Variants in PRKN observed in about 807,000 individuals in gnomAD.
PRKN encodes parkin RBR E3 ubiquitin protein ligase.
In PRKN, 56 loss-of-function variants were observed where a neutral mutation model predicts 59.5. That is an observed-to-expected ratio of 0.94 (90% CI 0.76 to 1.18). The LOEUF (loss-of-function observed/expected upper bound fraction) is 1.18, where lower values mean the gene tolerates loss of function less well. PRKN is among the 50% of genes most tolerant of loss of function. The pLI, the probability that PRKN is intolerant of heterozygous loss-of-function variation, is 0.00. For missense variants in PRKN, 657 were observed against 596.4 expected, an observed-to-expected ratio of 1.10 and a Z score of -1.06; for synonymous variants, 250 against 222.1, an observed-to-expected ratio of 1.13 and a Z score of -1.12.
intron 6 of PRKN, among the ~76,000 whole-genome samples, chr6:161,919,998 A>G (rs1176865299): frequency 6.6e-6 from 1 of 152,196 alleles, no homozygotes; most frequent in African/African-American, 2.4e-5. Flanking sequence ...CCTAGATGGT[A>G]TCACCTGCTA....
intron 6 of PRKN, among the ~76,000 whole-genome samples, chr6:161,910,838 T>C (rs879482154): frequency 2.0e-5 from 3 of 152,204 alleles, no homozygotes; most frequent in Non-Finnish European, 2.9e-5. Context: ...GGCAAAACCC[T>C]CTACCAGCAA....
chr6:161,658,903 A>T (rs2128164737), intron 7 of PRKN, among the ~76,000 whole-genome samples: 1 of 152,204 alleles, frequency 6.6e-6, no homozygotes, highest in East Asian at 1.9e-4. Flanking sequence ...TGTTTTATTC[A>T]TTAATTCTGT....
chr6:161,753,212 T>C (rs534587029), intron 7 of PRKN, among the ~76,000 whole-genome samples: 4 of 152,142 alleles, frequency 2.6e-5, no homozygotes, highest in East Asian at 1.9e-4. Flanking sequence ...AGTTGCATGA[T>C]AGTTGTCTGG....
rs571188457 is a variant in PRKN, at chr6:161,804,451, T to C, written c.735-18543A>G. On this transcript the variant is annotated intron_variant, in intron 6 of 11. Transcript: ENST00000366898. ...GCTGGTGGCCTTCAGCTCTGGATCC[T>C]GCAAGGACATCTGAAATCTGCCTCT... 9.8e-5 allele frequency among the ~76,000 whole-genome samples: 15 copies of C among 152,294 alleles called. No individual in the cohort carries two copies. In the South Asian group the frequency reaches 2.5e-3, roughly 25 times the overall value.
intron 2 of PRKN, among the ~76,000 whole-genome samples, chr6:162,340,646 C>A (rs907957738): frequency 6.6e-6 from 1 of 152,106 alleles, no homozygotes; most frequent in African/African-American, 2.4e-5. Flanking sequence ...ACATCTGATC[C>A]TTGACAAACC....
chr6:162,250,163 G>A (rs967296538), intron 3 of PRKN, among the ~76,000 whole-genome samples: 3 of 140,442 alleles, frequency 2.1e-5, no homozygotes, highest in Non-Finnish European at 3.0e-5. Flanking sequence ...ACAAACAAAT[G>A]AAAACCGTTT....
Position 162,569,184 on chromosome 6 carries a change from C to G in PRKN, c.8-125711G>C, listed in dbSNP as rs1780209706. 8.6e-6 allele frequency: 5 copies of G among 579,238 alleles called. 1 individual carries two copies. The Middle Eastern group carries it at 2.0e-3, about 235-fold the overall frequency. The allele number at this position is 579,238 out of a possible 1,614,324, so 35.9% of individuals were successfully genotyped here. A position where few individuals can be genotyped will look rare whatever the true frequency, so the allele number is the denominator to read the frequency against. On this transcript the variant is annotated intron_variant, in intron 1 of 11. Transcript: ENST00000366898. ...GATCAAGTATAAGGAGCTGCAGATG[C>G]AAAGACTGAGATCTCCAAGATGAAC...
rs1779507380 is a variant in PRKN, at chr6:161,538,579, A to G, written c.1083+10275T>C. ...AGTTTCCACTTCTTGGTGCAAAAAG[A>G]GGCCAAAGTGAGTCTTTGAGGACTT... is the stretch of plus-strand genomic sequence containing the variant. On this transcript the variant is annotated intron_variant, in intron 9 of 11. Coordinates refer to ENST00000366898, the MANE Select transcript of PRKN (RefSeq NM_004562.3). The surrounding 1 kb of genome is among the most constrained non-coding windows in gnomAD (Gnocchi z 4.2). Among the ~76,000 whole-genome samples the G allele has an allele frequency of 6.6e-6, 1 of 152,154 alleles. No homozygotes were observed. Among genetic ancestry groups the G allele is most frequent in the Admixed American group, 6.5e-5 (1 of 15,274 alleles).
intron 6 of PRKN, among the ~76,000 whole-genome samples, chr6:161,899,760 T>C (rs1202709855): frequency 1.3e-5 from 2 of 152,186 alleles, no homozygotes; most frequent in Admixed American, 1.3e-4. Context: ...CTTCAAGGCG[T>C]ATTCCCATAC....
At chr6:162,664,735 T>C (rs1014007795) in intron 1 of PRKN, among the ~76,000 whole-genome samples, 24 of 152,140 alleles carry the variant, frequency 1.6e-4, no homozygotes, top group African/African-American at 5.5e-4. Flanking sequence ...TGATGCTGTT[T>C]TTTTTTCTTG....
rs372981671 is a variant in PRKN, at chr6:161,433,983, T to C, written c.1084-47106A>G. The stretch of plus-strand genomic sequence containing the variant: ...AGTGAGTTGAGATCACGCCATTGCA[T>C]TCCAGCCTGGGTGACAAGAGCGAAA... On this transcript the variant is annotated intron_variant, in intron 9 of 11. Coordinates refer to ENST00000366898, the MANE Select transcript of PRKN (RefSeq NM_004562.3). Among the ~76,000 whole-genome samples, 162 of 151,420 alleles carry C rather than the reference T, an allele frequency of 1.1e-3. 1 individual carries two copies. Among genetic ancestry groups the C allele is most frequent in the African/African-American group, 3.8e-3 (156 of 41,304 alleles).
intron 1 of PRKN, among the ~76,000 whole-genome samples, chr6:162,584,773 TTCCTCTCCTCTCCTCTCCCCTCCCC>T (rs1780941979): frequency 9.5e-6 from 1 of 105,034 alleles, no homozygotes; most frequent in Non-Finnish European, 2.0e-5. Flanking sequence ...CTCTTTTCTT[TTCCTCTCCTCTCCTCTCCCCTCCCC>T]TCCCCTCCCC....
At chr6:162,452,419 T>G (rs1790669432) in intron 1 of PRKN, among the ~76,000 whole-genome samples, 1 of 131,642 alleles carries the variant, frequency 7.6e-6, no homozygotes, top group Non-Finnish European at 1.6e-5. Context: ...AGAAATTCTA[T>G]TCCATGGGGA....
At chr6:162,711,436 C>T (rs546545440) in intron 1 of PRKN, among the ~76,000 whole-genome samples, 1 of 102,302 alleles carries the variant, frequency 9.8e-6, no homozygotes, top group Non-Finnish European at 2.1e-5. Context: ...AAAAAAAAAA[C>T]CAGGAAAAGT....
chr6:161,812,839 G>T lies in PRKN; in HGVS notation c.735-26931C>A, dbSNP rs1368772139. 2.6e-5 allele frequency among the ~76,000 whole-genome samples: 4 copies of T among 152,194 alleles called. No homozygotes were observed. In the South Asian group the frequency reaches 8.3e-4, roughly 31 times the overall value. The stretch of plus-strand genomic sequence containing the variant: ...TTGGCAGTTTCTTTAAAACTGTAAA[G>T]TTTCTTTAAAAATTGAATATATGCT... On this transcript the variant is annotated intron_variant, in intron 6 of 11. Transcript: ENST00000366898.
intron 1 of PRKN, among the ~76,000 whole-genome samples, chr6:162,696,511 T>C (rs373915533): frequency 2.0e-5 from 3 of 151,596 alleles, no homozygotes; most frequent in African/African-American, 7.3e-5. Context: ...CTGGATTCGA[T>C]ACTGGATTCA....
In PRKN at chr6:161,998,570, A is replaced by G. The variant is rs143694829; in HGVS notation, c.619-25153T>C. On this transcript the variant is annotated intron_variant, in intron 5 of 11. Coordinates refer to ENST00000366898, the MANE Select transcript of PRKN (RefSeq NM_004562.3). The stretch of plus-strand genomic sequence containing the variant: ...GGCTCCATCCAGTTATCCTAGTTAC[A>G]GCTTTCTACTCTGGTAGCAGGTAGC... 9.2e-5 allele frequency among the ~76,000 whole-genome samples: 14 copies of G among 152,266 alleles called. No individual in the cohort carries two copies. In the East Asian group the frequency reaches 2.7e-3, roughly 29 times the overall value.
At chr6:161,627,239 C>A (rs1218608215) in intron 7 of PRKN, among the ~76,000 whole-genome samples, 4 of 152,176 alleles carry the variant, frequency 2.6e-5, no homozygotes, top group Admixed American at 2.0e-4. Context: ...GAAATAGGAT[C>A]TACTATTATG....
At chr6:162,533,337 G>A (rs1778588921) in intron 1 of PRKN, among the ~76,000 whole-genome samples, 1 of 151,832 alleles carries the variant, frequency 6.6e-6, no homozygotes, top group Non-Finnish European at 1.5e-5. Context: ...CAGCATGGCT[G>A]ACATAGTGAA....
Sources: allele counts gnomAD v4.1 joint callset (sites outside exome capture counted in the v4.1 genomes callset), GRCh38; gene constraint gnomAD v4.1.1; non-coding constraint Gnocchi (gnomAD v3.1); transcripts MANE v1.5; gene names NCBI Gene and HGNC (gene_info 2026-07-23, HGNC 2026-07-21).